COL8A1: variants seen among roughly 807,000 people sequenced by gnomAD.
COL8A1 encodes the protein collagen type VIII alpha 1 chain.
COL8A1 carries 21 observed loss-of-function variants against 42.7 expected under a neutral mutation model. That is an observed-to-expected ratio of 0.49 (90% CI 0.35 to 0.71). The LOEUF is 0.71. Among genes scored for constraint, COL8A1 ranks in the 30% least tolerant of loss-of-function variants. The probability of loss-of-function intolerance (pLI) is 0.01; values close to 1 mark genes in which losing one functional copy is unlikely to be tolerated. For missense variants in COL8A1, 788 were observed against 962.4 expected (o/e 0.82, Z 2.40); for synonymous variants, 367 against 369.1 (o/e 0.99, Z 0.06).
chr3:99,796,570 ACTTG>A lies in COL8A1; in HGVS notation c.*438_*441del, dbSNP rs1942112389. On this transcript the variant is annotated 3_prime_UTR_variant, in exon 4 of 4. Transcript: ENST00000652472. ...ATGATAACAATTACATACCGTATTT[ACTTG>A]CTTAATTTCCTCTGTATTTGTGTAG... is the stretch of plus-strand genomic sequence containing the variant. 1 of 154,136 alleles carries A rather than the reference ACTTG, an allele frequency of 6.5e-6. No individual in the cohort carries two copies. The highest frequency in any genetic ancestry group is 1.4e-5 in the Non-Finnish European group (1 of 69,372). The allele number at this position is 154,136 out of a possible 1,614,324, so 9.5% of individuals were successfully genotyped here.
chr3:99,740,910 T>C (rs1940882879), intron 1 of COL8A1, among the ~76,000 whole-genome samples: 2 of 152,186 alleles, frequency 1.3e-5, no homozygotes, highest in Admixed American at 6.5e-5. Context: ...TTAGCTTGTT[T>C]CCATATCTTT....
intron 1 of COL8A1, among the ~76,000 whole-genome samples, chr3:99,681,223 T>A (rs1938870535): frequency 6.6e-6 from 1 of 151,754 alleles, no homozygotes; most frequent in Non-Finnish European, 1.5e-5. Context: ...TGGGAGAAAA[T>A]TTTTACAATC....
intron 2 of COL8A1, among the ~76,000 whole-genome samples, chr3:99,790,459 G>A (rs1482985101): frequency 6.6e-6 from 1 of 152,166 alleles, no homozygotes; most frequent in Non-Finnish European, 1.5e-5. Context: ...CATAGTCTAT[G>A]TTCCTACCAA....
intron 1 of COL8A1, among the ~76,000 whole-genome samples, chr3:99,725,015 G>A (rs774254573): frequency 6.6e-6 from 1 of 152,024 alleles, no homozygotes; most frequent in Non-Finnish European, 1.5e-5. Context: ...AGGATTAAAT[G>A]ATGTATAATA....
chr3:99,677,711 A>T (rs954079681), intron 1 of COL8A1: 1 of 152,176 alleles, frequency 6.6e-6, no homozygotes, highest in Non-Finnish European at 1.5e-5. Context: ...AATTTGCTAG[A>T]CTTCAGGGCC....
intron 1 of COL8A1, chr3:99,679,197 G>A (rs1161493637): frequency 1.3e-5 from 2 of 152,136 alleles, no homozygotes; most frequent in African/African-American, 4.8e-5. Flanking sequence ...ATACTCATTA[G>A]GTAATTGTCA....
At chr3:99,781,047 C>A (rs563183637) in intron 2 of COL8A1, among the ~76,000 whole-genome samples, 22 of 152,244 alleles carry the variant, frequency 1.4e-4, no homozygotes, top group African/African-American at 5.3e-4. Context: ...GACGATTTAT[C>A]ACAATTGAGT....
chr3:99,788,959 CTAAGAG>C (rs1941947028), intron 2 of COL8A1, among the ~76,000 whole-genome samples: 1 of 152,150 alleles, frequency 6.6e-6, no homozygotes, highest in South Asian at 2.1e-4. Flanking sequence ...GTCACCCCCA[CTAAGAG>C]TACAAACTCC....
intron 1 of COL8A1, among the ~76,000 whole-genome samples, chr3:99,740,039 GC>G (rs1409784139): frequency 6.6e-6 from 1 of 152,266 alleles, no homozygotes; most frequent in East Asian, 1.9e-4. Context: ...TAGGGCAGGG[GC>G]AAAATGTGCC....
chr3:99,773,597 T>A (rs1330846697), intron 2 of COL8A1, among the ~76,000 whole-genome samples: 1 of 151,678 alleles, frequency 6.6e-6, no homozygotes, highest in Non-Finnish European at 1.5e-5. Context: ...TTATAATATA[T>A]AATTACATTT....
intron 1 of COL8A1, among the ~76,000 whole-genome samples, chr3:99,670,488 T>C (rs1938509918): frequency 6.6e-6 from 1 of 152,122 alleles, no homozygotes; most frequent in Non-Finnish European, 1.5e-5. Flanking sequence ...AATATTAGTT[T>C]TGATTGATAA....
intron 1 of COL8A1, among the ~76,000 whole-genome samples, chr3:99,734,511 C>A (rs1433882536): frequency 4.6e-5 from 7 of 151,740 alleles, no homozygotes; most frequent in Non-Finnish European, 1.0e-4. Flanking sequence ...TGAACTATAT[C>A]TCTGTTTTGG....
chr3:99,762,978 T>G (rs1051876015), intron 2 of COL8A1, among the ~76,000 whole-genome samples: 2 of 152,176 alleles, frequency 1.3e-5, no homozygotes, highest in Non-Finnish European at 2.9e-5. Flanking sequence ...AACTGCACGC[T>G]TTTCATTCAT....
intron 1 of COL8A1, among the ~76,000 whole-genome samples, chr3:99,658,511 A>G (rs1173909174): frequency 6.6e-6 from 1 of 152,078 alleles, no homozygotes; most frequent in Non-Finnish European, 1.5e-5. Context: ...TGTTTAACTA[A>G]CTGTCTCCAT....
chr3:99,645,921 C>T (rs1306856029), intron 1 of COL8A1, among the ~76,000 whole-genome samples: 1 of 152,022 alleles, frequency 6.6e-6, no homozygotes, highest in African/African-American at 2.4e-5. Flanking sequence ...GAGAGACAAG[C>T]ACAAAGACTG....
At chr3:99,646,508 C>T (rs139904454) in intron 1 of COL8A1, among the ~76,000 whole-genome samples, 13 of 152,264 alleles carry the variant, frequency 8.5e-5, no homozygotes, top group South Asian at 2.1e-4. Context: ...CACTTAGAGA[C>T]ATGTGAGGTC....
intron 1 of COL8A1, among the ~76,000 whole-genome samples, chr3:99,642,642 T>G (rs1356783545): frequency 6.6e-6 from 1 of 152,172 alleles, no homozygotes; most frequent in African/African-American, 2.4e-5. Flanking sequence ...TCAGCAAACC[T>G]TTCAGGATGT....
intron 2 of COL8A1, among the ~76,000 whole-genome samples, chr3:99,748,274 G>A (rs1576461720): frequency 6.6e-6 from 1 of 152,128 alleles, no homozygotes; most frequent in African/African-American, 2.4e-5. Context: ...TAGCTGCACT[G>A]TTCAATATGA....
At chr3:99,650,932 C>T (rs1937826039) in intron 1 of COL8A1, among the ~76,000 whole-genome samples, 1 of 152,182 alleles carries the variant, frequency 6.6e-6, no homozygotes, top group South Asian at 2.1e-4. Flanking sequence ...CCAGTGAATG[C>T]TATGACTGCA....
Sources: allele counts gnomAD v4.1 joint callset (sites outside exome capture counted in the v4.1 genomes callset), GRCh38; gene constraint gnomAD v4.1.1; transcripts MANE v1.5; gene names NCBI Gene and HGNC (gene_info 2026-07-23, HGNC 2026-07-21).